PCDH15: variants seen among roughly 807,000 people sequenced by gnomAD.
PCDH15 encodes protocadherin-15.
A neutral mutation model predicts 178.5 loss-of-function variants in PCDH15; 129 were observed. The observed-to-expected ratio is 0.72, with a 90% CI of 0.63 to 0.84. The LOEUF is 0.84. PCDH15 is among the 40% of genes least tolerant of loss of function. The pLI is 0.00. For synonymous variants in PCDH15, 800 were observed against 732.0 expected (o/e 1.09, Z -1.50); for missense variants, 2,230 against 2,099.9 (o/e 1.06, Z -1.21).
intron 8 of PCDH15, among the ~76,000 whole-genome samples, chr10:54,303,418 G>GTA (rs2060266119): frequency 6.6e-6 from 1 of 151,676 alleles, no homozygotes; most frequent in South Asian, 2.1e-4. Context: ...ATATATTTAT[G>GTA]TATGTGTATA....
At chr10:53,882,951 A>G (rs1265844981) in intron 26 of PCDH15, among the ~76,000 whole-genome samples, 1 of 152,164 alleles carries the variant, frequency 6.6e-6, no homozygotes, top group Non-Finnish European at 1.5e-5. Flanking sequence ...CAAATGGACC[A>G]AGGAATACAA....
rs1337043397 is a variant in PCDH15 at position 55,594,605 on chromosome 10, A to T, written c.-156+33020T>A. ...ACACATTTGGCGTTTCCAATGTTGC[A>T]AAAATTACAATTGTAAACACTGTCC... On this transcript the variant is annotated intron_variant, in intron 2 of 5. Coordinates refer to the PCDH15 transcript ENST00000613346. 5.9e-5 allele frequency among the ~76,000 whole-genome samples: 9 copies of T among 152,024 alleles called. No individual in the cohort carries two copies. In the East Asian group the frequency reaches 1.3e-3, roughly 23 times the overall value.
intron 1 of PCDH15, among the ~76,000 whole-genome samples, chr10:55,212,839 C>G (rs1564897580): frequency 6.6e-6 from 1 of 152,036 alleles, no homozygotes; most frequent in African/African-American, 2.4e-5. Flanking sequence ...TATAGTCCTA[C>G]TTTCTATTCA....
intron 3 of PCDH15, among the ~76,000 whole-genome samples, chr10:54,472,436 T>G (rs565656465): frequency 6.6e-6 from 1 of 152,164 alleles, no homozygotes; most frequent in Non-Finnish European, 1.5e-5. Context: ...ATGACATATG[T>G]CACATGTTTC....
At chr10:55,057,744 C>T (rs1312476478) in intron 2 of PCDH15, among the ~76,000 whole-genome samples, 1 of 152,182 alleles carries the variant, frequency 6.6e-6, no homozygotes, top group East Asian at 1.9e-4. Context: ...TATATTTCTC[C>T]TTTTCAATCC....
intron 2 of PCDH15, among the ~76,000 whole-genome samples, chr10:55,548,785 A>G (rs1440701783): frequency 6.6e-6 from 1 of 152,132 alleles, no homozygotes; most frequent in Non-Finnish European, 1.5e-5. Flanking sequence ...GAGGAGAGAG[A>G]GTAGGGAACT....
chr10:55,103,892 T>C (rs1842623766), intron 2 of PCDH15, among the ~76,000 whole-genome samples: 1 of 152,176 alleles, frequency 6.6e-6, no homozygotes. Flanking sequence ...GACAAGGTAC[T>C]TTCCTGACTT....
At chr10:54,514,541 G>C (rs936859365) in intron 3 of PCDH15, among the ~76,000 whole-genome samples, 9 of 151,220 alleles carry the variant, frequency 6.0e-5, no homozygotes, top group African/African-American at 1.5e-4. Flanking sequence ...CACACAGTTA[G>C]TTTTTTTAAA....
At chr10:54,105,299 T>G (rs1393174455) in intron 15 of PCDH15, among the ~76,000 whole-genome samples, 1 of 97,932 alleles carries the variant, frequency 1.0e-5, no homozygotes, top group Non-Finnish European at 2.0e-5. Context: ...TATATATATA[T>G]ATATATATAT....
intron 29 of PCDH15, among the ~76,000 whole-genome samples, chr10:53,837,097 T>C (rs1205480642): frequency 6.8e-6 from 1 of 147,054 alleles, no homozygotes; most frequent in Non-Finnish European, 1.5e-5. Context: ...TGTGTGTCTA[T>C]GTGGGCGGGG....
chr10:55,004,025 G>A (rs1444809395), intron 2 of PCDH15, among the ~76,000 whole-genome samples: 1 of 150,358 alleles, frequency 6.7e-6, no homozygotes, highest in Admixed American at 6.7e-5. Flanking sequence ...AGCTAACTTA[G>A]GAGAGGTATA....
At chr10:55,517,075 A>T (rs1841030842) in intron 2 of PCDH15, among the ~76,000 whole-genome samples, 1 of 152,110 alleles carries the variant, frequency 6.6e-6, no homozygotes, top group African/African-American at 2.4e-5. Context: ...CTAAAGAACT[A>T]CTAAGGGTAT....
intron 3 of PCDH15, among the ~76,000 whole-genome samples, chr10:54,482,904 T>C (rs2078828025): frequency 6.6e-6 from 1 of 151,802 alleles, no homozygotes; most frequent in South Asian, 2.1e-4. Flanking sequence ...GCAGGGGGAC[T>C]ATGCAAGGAG....
intron 2 of PCDH15, among the ~76,000 whole-genome samples, chr10:55,579,828 T>A (rs1055296446): frequency 6.6e-6 from 1 of 152,088 alleles, no homozygotes; most frequent in South Asian, 2.1e-4. Context: ...GTTTGTTATG[T>A]TTTTTATTTG....
intron 32 of PCDH15, chr10:53,822,424 G>C: frequency 6.3e-7 from 1 of 1,579,178 alleles, no homozygotes; most frequent in Non-Finnish European, 8.6e-7. Context: ...ATGTCAGGAG[G>C]AGGAGCAAGA....
At chr10:55,015,923 AG>A (rs774982750) in intron 2 of PCDH15, among the ~76,000 whole-genome samples, 4 of 152,054 alleles carry the variant, frequency 2.6e-5, no homozygotes, top group Non-Finnish European at 4.4e-5. Context: ...ATAGAAGAGC[AG>A]GGGAGTTAAT....
intron 16 of PCDH15, among the ~76,000 whole-genome samples, chr10:54,084,113 T>C (rs113955022): frequency 0.024 from 3,542 of 150,230 alleles, 152 homozygotes; most frequent in African/African-American, 0.079. Flanking sequence ...TGAGACAGAG[T>C]CTCTCTCTGT....
chr10:53,825,937 C>G (rs2076649324), intron 32 of PCDH15, among the ~76,000 whole-genome samples: 1 of 151,526 alleles, frequency 6.6e-6, no homozygotes, highest in African/African-American at 2.4e-5. Context: ...TGTCATCAAA[C>G]TATGCTGATT....
rs1314559913 is a variant in PCDH15 at position 54,023,194 on chromosome 10, T to C, written c.2224A>G (p.Thr742Ala). 6.2e-7 allele frequency: 1 copy of C among 1,613,116 alleles called. No homozygotes were observed. The highest frequency in any genetic ancestry group is 1.1e-5 in the South Asian group (1 of 91,074). Residue 742 changes from threonine (T) to alanine (A), a missense_variant, in exon 19 of 38, where the codon ACA becomes GCA. By Grantham distance (58) the Thr-to-Ala change is moderately conservative. Transcript: ENST00000644397. ...CCATTTATTCCAGCATCAGGGTCTG[T>C]TGCCTATTAAATAAAACAAAAAAAC... Reference protein sequence around the residue: ...ANAFVGQVKATDPDAGINGQV... With the variant: ...ANAFVGQVKAADPDAGINGQV...
Sources: allele counts gnomAD v4.1 joint callset (sites outside exome capture counted in the v4.1 genomes callset), GRCh38; gene constraint gnomAD v4.1.1; transcripts MANE v1.5; gene names NCBI Gene and HGNC (gene_info 2026-07-23, HGNC 2026-07-21).